ATP7A: variants seen among roughly 807,000 people sequenced by gnomAD.
ATP7A encodes the protein ATPase copper transporting alpha, also known as copper-transporting ATPase 1.
ATP7A carries 7 observed loss-of-function variants against 83.5 expected under a neutral mutation model. That is an observed-to-expected ratio of 0.08 (90% CI 0.05 to 0.16). The LOEUF (loss-of-function observed/expected upper bound fraction) is 0.16. Among genes scored for constraint, ATP7A ranks in the 10% least tolerant of loss-of-function variants. The probability of loss-of-function intolerance (pLI) is 1.00; values close to 1 mark genes in which losing one functional copy is unlikely to be tolerated. For synonymous variants in ATP7A, 354 were observed against 395.2 expected (o/e 0.90, Z 1.24); for missense variants, 940 against 1,120.8 (o/e 0.84, Z 2.30).
chrX:77,932,723 C>T (rs1557224661), intron 1 of ATP7A, among the ~76,000 whole-genome samples: 2 of 112,782 alleles, frequency 1.8e-5, no homozygotes, highest in African/African-American at 6.4e-5. Flanking sequence ...GCCAACACAG[C>T]GAAACCCCGT....
In ATP7A at chrX:77,988,445, G is replaced by A; in HGVS notation, c.324G>A (p.Leu108=). 1 of 1,211,539 alleles carries A rather than the reference G, an allele frequency of 8.3e-7. No homozygotes were observed. Among genetic ancestry groups the A allele is most frequent in the South Asian group, 1.8e-5 (1 of 56,983 alleles). ...LPWDHIQSTL[L]KTKGVTDIKI... is the part of the protein sequence containing the mutation. ...GGGACCATATCCAAAGCACATTGCTGAAGACCAAGGGTGTGACAGACATTA... is the reference window on the plus strand; with the variant it reads ...GGGACCATATCCAAAGCACATTGCTAAAGACCAAGGGTGTGACAGACATTA... The change falls in exon 3 of 23, where the codon CTG becomes CTA. Residue 108 remains leucine, a synonymous_variant. Transcript: ENST00000341514.
At chrX:77,920,513 G>A (rs1329326027) in intron 1 of ATP7A, among the ~76,000 whole-genome samples, 5 of 111,161 alleles carry the variant, frequency 4.5e-5, no homozygotes, top group Admixed American at 9.6e-5. Flanking sequence ...CACCGCGCCC[G>A]GCTGAGTACC....
intron 1 of ATP7A, among the ~76,000 whole-genome samples, chrX:77,931,829 C>A (rs1258267074): frequency 1.0e-5 from 1 of 98,300 alleles, no homozygotes; most frequent in Non-Finnish European, 2.1e-5. Context: ...GCTGACCCCC[C>A]CCACCTCCCT....
At chrX:77,956,777 T>TTCTTTCTTTCTTTC (rs2077445935) in intron 1 of ATP7A, among the ~76,000 whole-genome samples, 1 of 102,109 alleles carries the variant, frequency 9.8e-6, no homozygotes, top group Non-Finnish European at 2.0e-5. Context: ...CTTTCTTTCT[T>TTCTTTCTTTCTTTC]TCTTTCTTTC....
rs1203434891 is a variant in ATP7A, at chrX:78,011,164, G to T, written c.1870-12G>T. The T allele has an allele frequency of 4.9e-5, 59 of 1,198,591 alleles. No individual in the cohort carries two copies. Among genetic ancestry groups the T allele is most frequent in the Non-Finnish European group, 6.4e-5 (57 of 885,737 alleles). On this transcript the variant is annotated splice_polypyrimidine_tract_variant and intron_variant, in intron 7 of 22. Transcript: ENST00000341514. ...TTCAGTGAAATAATTTTTTTCTCAT[G>T]AATTTCCTTAGAGCTTAGGTTTTGA...
At chrX:77,983,096 C>T (rs782530620) in intron 2 of ATP7A, among the ~76,000 whole-genome samples, 1 of 111,454 alleles carries the variant, frequency 9.0e-6, no homozygotes, top group East Asian at 2.8e-4. Context: ...ACTCTGTCTT[C>T]ATTACCTAAT....
chrX:77,937,179 G>A (rs1303131787), intron 1 of ATP7A, among the ~76,000 whole-genome samples: 1 of 112,503 alleles, frequency 8.9e-6, no homozygotes, highest in East Asian at 2.8e-4. Context: ...GAGGTTGTAT[G>A]TATATGGTGG....
At position 78,047,796 on chromosome X, in the gene ATP7A, C is replaced by G. The variant is rs1003546488; in HGVS notation, c.*1226C>G. 1 of 111,823 alleles carries G rather than the reference C, an allele frequency of 8.9e-6. No homozygotes were observed. The highest frequency in any genetic ancestry group is 3.3e-5 in the African/African-American group (1 of 30,768). The allele number at this position is 111,823 out of a possible 1,213,427, so 9.2% of individuals were successfully genotyped here. A position where few individuals can be genotyped will look rare whatever the true frequency, so the allele number is the denominator to read the frequency against. ...ATGTTGGCTAGCCTGGTCTTAAACT[C>G]CTAACCTCAGGTGATCCACCCGCCT... is the stretch of plus-strand genomic sequence containing the variant. On this transcript the variant is annotated 3_prime_UTR_variant, in exon 23 of 23. Transcript: ENST00000341514.
At chrX:77,944,342 G>A in intron 1 of ATP7A, among the ~76,000 whole-genome samples, 1 of 112,235 alleles carries the variant, frequency 8.9e-6, no homozygotes, top group Non-Finnish European at 1.9e-5. Context: ...TTGGGATAAA[G>A]TAACATAATA....
intron 2 of ATP7A, among the ~76,000 whole-genome samples, chrX:77,976,911 G>A (rs782524621): frequency 1.8e-5 from 2 of 110,570 alleles, no homozygotes; most frequent in South Asian, 3.8e-4. Flanking sequence ...CTACCTTGGC[G>A]TAATTCCAGT....
At chrX:77,974,922 C>T (rs1266197878) in intron 2 of ATP7A, 2 of 264,516 alleles carry the variant, frequency 7.6e-6, no homozygotes, top group East Asian at 1.1e-4. Flanking sequence ...TACATGTGCA[C>T]ATTGTGCAGG....
chrX:77,930,624 A>T (rs1199392880), intron 1 of ATP7A, among the ~76,000 whole-genome samples: 5 of 112,113 alleles, frequency 4.5e-5, no homozygotes, highest in African/African-American at 1.6e-4. Context: ...TTGAACTCAG[A>T]CTTAACTACT....
At chrX:78,035,704 C>A (rs1265590053) in intron 17 of ATP7A, among the ~76,000 whole-genome samples, 1 of 111,773 alleles carries the variant, frequency 8.9e-6, no homozygotes, top group East Asian at 2.8e-4. Flanking sequence ...ACAGTTCTTC[C>A]TTACGGTGTG....
At chrX:78,020,692 AT>A (rs1187118726) in intron 13 of ATP7A, among the ~76,000 whole-genome samples, 10 of 108,314 alleles carry the variant, frequency 9.2e-5, no homozygotes, top group Admixed American at 3.9e-4. Context: ...AATTAAAAAA[AT>A]TTTTTTTTAT....
At chrX:77,929,444 A>G (rs1178863115) in intron 1 of ATP7A, among the ~76,000 whole-genome samples, 10 of 111,312 alleles carry the variant, frequency 9.0e-5, no homozygotes, top group Non-Finnish European at 1.7e-4. Context: ...GGAATCTCAG[A>G]GGCCTGAGTT....
intron 2 of ATP7A, chrX:77,975,945 A>G (rs782287272): frequency 1.8e-5 from 2 of 111,995 alleles, no homozygotes; most frequent in Non-Finnish European, 3.8e-5. Flanking sequence ...TATTGGTGGT[A>G]ATTCTATTTG....
intron 19 of ATP7A, among the ~76,000 whole-genome samples, chrX:78,041,401 G>A (rs1557238386): frequency 9.2e-6 from 1 of 108,938 alleles, no homozygotes; most frequent in Non-Finnish European, 1.9e-5. Context: ...TCAGCCTCCC[G>A]AGTAGCTAGG....
chrX:77,986,125 A>G (rs781812055), intron 2 of ATP7A, among the ~76,000 whole-genome samples: 22 of 111,032 alleles, frequency 2.0e-4, no homozygotes, highest in Non-Finnish European at 3.6e-4. Flanking sequence ...AATATAATTT[A>G]TTTCCCCACT....
chrX:77,964,548 C>T (rs1186237870), intron 1 of ATP7A: 2 of 110,578 alleles, frequency 1.8e-5, no homozygotes, highest in Non-Finnish European at 3.8e-5. Flanking sequence ...AGGTATTTCT[C>T]CTAATGTTAT....
Sources: allele counts gnomAD v4.1 joint callset (sites outside exome capture counted in the v4.1 genomes callset), GRCh38; gene constraint gnomAD v4.1.1; transcripts MANE v1.5; gene names NCBI Gene and HGNC (gene_info 2026-07-23, HGNC 2026-07-21).